Variants in VGLL3 observed in about 807,000 individuals in gnomAD.
The protein encoded by VGLL3 is vestigial like family member 3, also known as transcription cofactor vestigial-like protein 3.
VGLL3 carries 18 observed loss-of-function variants against 29.2 expected under a neutral mutation model. The ratio of observed to expected loss-of-function variants is 0.62; its 90% CI spans 0.43 to 0.91. The LOEUF is 0.91. Ranked by LOEUF, VGLL3 falls within the 40% of genes least tolerant of loss-of-function variation. The probability of loss-of-function intolerance (pLI) is 0.00; values close to 1 mark genes in which losing one functional copy is unlikely to be tolerated. For synonymous variants in VGLL3, 180 were observed against 151.8 expected (o/e 1.19, Z -1.36); for missense variants, 440 against 413.2 (o/e 1.06, Z -0.56).
At chr3:86,973,278 C>T (rs1229515813) in intron 2 of VGLL3, among the ~76,000 whole-genome samples, 1 of 152,008 alleles carries the variant, frequency 6.6e-6, no homozygotes. Flanking sequence ...ACATTAGAAT[C>T]AATATTGATT....
At chr3:86,979,277 A>G (rs1194859594) in intron 1 of VGLL3, among the ~76,000 whole-genome samples, 1 of 152,202 alleles carries the variant, frequency 6.6e-6, no homozygotes, top group Non-Finnish European at 1.5e-5. Flanking sequence ...AAATAAAATA[A>G]ACTAAAATAA....
Position 86,944,455 on chromosome 3 carries a change from C to A in VGLL3, c.*2569G>T, listed in dbSNP as rs1053634699. On this transcript the variant is annotated 3_prime_UTR_variant, in exon 4 of 4. Coordinates refer to ENST00000398399, the MANE Select transcript of VGLL3 (RefSeq NM_016206.4). ...GTAGGGATAGGGTCTCCCTATGTTG[C>A]CTAGGCTGATCTTGAACTCCTGGGC... The A allele has an allele frequency of 6.6e-6, 1 of 152,400 alleles. No individual in the cohort carries two copies. The highest frequency in any genetic ancestry group is 2.4e-5 in the African/African-American group (1 of 41,432). The allele number at this position is 152,400 out of a possible 1,614,324, so 9.4% of individuals were successfully genotyped here. A position where few individuals can be genotyped will look rare whatever the true frequency, so the allele number is the denominator to read the frequency against.
rs560420860 is a variant in VGLL3 at position 86,938,482 on chromosome 3, A to G, written c.*8542T>C. On this transcript the variant is annotated 3_prime_UTR_variant, in exon 4 of 4. Transcript: ENST00000398399. Reference sequence around the variant, plus strand: ...ATGCTTAAAGGGGAACAGATTTTGTATTTTTTGGCAAGATATTAAATCCTC... The same window carrying G: ...ATGCTTAAAGGGGAACAGATTTTGTGTTTTTTGGCAAGATATTAAATCCTC... 1.4e-4 allele frequency: 21 copies of G among 152,756 alleles called. No homozygotes were observed. The highest frequency in any genetic ancestry group is 2.4e-4 in the Non-Finnish European group (16 of 68,018). 9.5% of individuals were successfully genotyped at this position (152,756 alleles called of 1,614,324 possible).
rs1184297989 is a variant in VGLL3, at chr3:86,974,037, C to A, written c.403+4489G>T. Among the ~76,000 whole-genome samples the A allele has an allele frequency of 2.6e-5, 4 of 151,670 alleles. No individual in the cohort carries two copies. The East Asian group carries it at 7.7e-4, about 29-fold the overall frequency. On this transcript the variant is annotated intron_variant, in intron 2 of 3. Transcript: ENST00000398399. ...TAATCATATAGATTATTTTTAAAAT[C>A]TTTATAATAACTCTAGGAGAAGGGT... is the stretch of plus-strand genomic sequence containing the variant.
At chr3:86,950,810 A>C (rs959746559) in intron 3 of VGLL3, among the ~76,000 whole-genome samples, 4 of 152,166 alleles carry the variant, frequency 2.6e-5, no homozygotes, top group African/African-American at 9.7e-5. Flanking sequence ...ATTAACCACC[A>C]CACCCCCTGC....
At chr3:86,981,630 CTTTCTTT>C (rs1705325637) in intron 1 of VGLL3, among the ~76,000 whole-genome samples, 1 of 151,800 alleles carries the variant, frequency 6.6e-6, no homozygotes, top group Admixed American at 6.6e-5. Flanking sequence ...TGATTATATA[CTTTCTTT>C]TTTCTTTTTA....
chr3:86,962,926 T>C (rs1227406409), intron 3 of VGLL3: 2 of 126,682 alleles, frequency 1.6e-5, no homozygotes, highest in Non-Finnish European at 3.9e-5. Context: ...ATAGTGACTA[T>C]CTACTAAAAA....
chr3:86,948,448 T>C (rs548621589), intron 3 of VGLL3, among the ~76,000 whole-genome samples: 1 of 152,238 alleles, frequency 6.6e-6, no homozygotes, highest in Non-Finnish European at 1.5e-5. Context: ...AGGACACAAT[T>C]AGTGTTTGGA....
Position 86,940,528 on chromosome 3 carries a change from C to A in VGLL3, c.*6496G>T, listed in dbSNP as rs2106941193. The A allele has an allele frequency of 6.6e-6, 1 of 152,374 alleles. No individual in the cohort carries two copies. Among genetic ancestry groups the A allele is most frequent in the Admixed American group, 6.6e-5 (1 of 15,252 alleles). 9.4% of individuals were successfully genotyped at this position (152,374 alleles called of 1,614,324 possible). A position where few individuals can be genotyped will look rare whatever the true frequency, so the allele number is the denominator to read the frequency against. ...ATAACACCTAAGATGTTGTAATTTCCAAAATATTTATAAGATGCTTAATTG... is the reference window on the plus strand; with the variant it reads ...ATAACACCTAAGATGTTGTAATTTCAAAAATATTTATAAGATGCTTAATTG... On this transcript the variant is annotated 3_prime_UTR_variant, in exon 4 of 4. Transcript: ENST00000398399.
chr3:86,982,872 G>T (rs1705356755), intron 1 of VGLL3, among the ~76,000 whole-genome samples: 1 of 152,166 alleles, frequency 6.6e-6, no homozygotes, highest in Non-Finnish European at 1.5e-5. Flanking sequence ...TGACTCTGGA[G>T]TAAGATGAAA....
intron 3 of VGLL3, among the ~76,000 whole-genome samples, chr3:86,954,708 A>G (rs1338561253): frequency 6.6e-6 from 1 of 152,154 alleles, no homozygotes; most frequent in Non-Finnish European, 1.5e-5. Flanking sequence ...GAAGCTGGGG[A>G]CTATATGGAA....
intron 3 of VGLL3, among the ~76,000 whole-genome samples, chr3:86,957,251 C>T (rs779503296): frequency 2.6e-5 from 4 of 152,146 alleles, no homozygotes; most frequent in Non-Finnish European, 5.9e-5. Flanking sequence ...CACTGCACGG[C>T]CAATATCAGC....
At chr3:86,982,751 A>C (rs537832569) in intron 1 of VGLL3, among the ~76,000 whole-genome samples, 2 of 152,324 alleles carry the variant, frequency 1.3e-5, no homozygotes, top group Admixed American at 1.3e-4. Context: ...ATTTTAACAA[A>C]AATAAAGTCA....
chr3:86,974,714 G>A (rs1052286021), intron 2 of VGLL3, among the ~76,000 whole-genome samples: 1 of 152,124 alleles, frequency 6.6e-6, no homozygotes, highest in Non-Finnish European at 1.5e-5. Context: ...TTTGTTTGTA[G>A]CATGGTAGCA....
At chr3:86,969,216 A>G in intron 2 of VGLL3, 93 bp from the exon 3 acceptor site, 1 of 1,411,342 alleles carries the variant, frequency 7.1e-7, no homozygotes, top group Non-Finnish European at 9.5e-7. Context: ...GTCCAATAAT[A>G]TTTTACAAGC....
intron 3 of VGLL3, among the ~76,000 whole-genome samples, chr3:86,957,553 A>G (rs1704748252): frequency 6.6e-6 from 1 of 152,166 alleles, no homozygotes; most frequent in Non-Finnish European, 1.5e-5. Context: ...TGTCCTCTCC[A>G]TTTTGCATCT....
chr3:86,961,500 G>A (rs757675184), intron 3 of VGLL3, among the ~76,000 whole-genome samples: 1 of 152,084 alleles, frequency 6.6e-6, no homozygotes, highest in Non-Finnish European at 1.5e-5. Context: ...TTTACTTAAT[G>A]TTATCACTAA....
Position 86,978,734 on chromosome 3 carries a change from C to G in VGLL3, c.195G>C (p.Glu65Asp), listed in dbSNP as rs1290548937. ...LEVTLPSKQE[E>D]EDEEEEEEEK... Reference sequence around the variant, plus strand: ...CCTCCTCCTCCTCCTCCTCATCCTCCTCCTCTTGTTTGCTGGGAAGGGTGA... The same window carrying G: ...CCTCCTCCTCCTCCTCCTCATCCTCGTCCTCTTGTTTGCTGGGAAGGGTGA... Residue 65 changes from glutamate to aspartate, a missense_variant, in exon 2 of 4, where the codon GAG (glutamate) becomes GAC (aspartate). By Grantham distance (45) the Glu-to-Asp change is conservative. Transcript: ENST00000398399. The G allele has an allele frequency of 6.2e-7, 1 of 1,614,110 alleles. No individual in the cohort carries two copies. Among genetic ancestry groups the G allele is most frequent in the Non-Finnish European group, 8.5e-7 (1 of 1,180,000 alleles).
intron 3 of VGLL3, among the ~76,000 whole-genome samples, chr3:86,953,103 T>C (rs908569973): frequency 6.6e-6 from 1 of 152,146 alleles, no homozygotes; most frequent in Non-Finnish European, 1.5e-5. Context: ...GATTAATATA[T>C]AGGCGCTACA....
Sources: gnomAD v4.1 joint callset for allele counts (sites outside exome capture counted in the v4.1 genomes callset) on GRCh38, gnomAD v4.1.1 for gene constraint, MANE v1.5 for transcripts, NCBI Gene and HGNC (gene_info 2026-07-23, HGNC 2026-07-21) for gene names.